The following DAPK2 variants were observed in gnomAD, a reference collection of about 807,000 sequenced individuals.
The protein encoded by DAPK2 is death associated protein kinase 2.
In DAPK2, 35 loss-of-function variants were observed where a neutral mutation model predicts 44.1. The observed-to-expected ratio is 0.79, with a 90% CI of 0.61 to 1.05. The LOEUF (loss-of-function observed/expected upper bound fraction) is 1.05. Among genes scored for constraint, DAPK2 ranks in the 50% least tolerant of loss-of-function variants. DAPK2 has a pLI of 0.00. For synonymous variants in DAPK2, 174 were observed against 182.6 expected, an observed-to-expected ratio of 0.95 and a Z score of 0.38; for missense variants, 453 against 483.2, an observed-to-expected ratio of 0.94 and a Z score of 0.59.
chr15:64,006,422 C>T (rs536207401), intron 1 of DAPK2, among the ~76,000 whole-genome samples: 42 of 152,228 alleles, frequency 2.8e-4, no homozygotes, highest in African/African-American at 1.0e-3. Context: ...CTGGTCTATA[C>T]AGTATATGTC....
At chr15:63,942,327 G>T (rs955198359) in intron 3 of DAPK2, 9 of 836,964 alleles carry the variant, frequency 1.1e-5, no homozygotes, top group Non-Finnish European at 1.2e-5. Context: ...AAGGCAGGGG[G>T]TATCACCTGA....
intron 3 of DAPK2, among the ~76,000 whole-genome samples, chr15:63,954,065 C>A (rs1456937490): frequency 1.1e-4 from 17 of 152,132 alleles, no homozygotes; most frequent in Non-Finnish European, 2.9e-5. Context: ...AATCCCTTGT[C>A]AAATGGGTTG....
intron 1 of DAPK2, among the ~76,000 whole-genome samples, chr15:64,008,074 T>C (rs1163274206): frequency 6.6e-6 from 1 of 151,844 alleles, no homozygotes; most frequent in Non-Finnish European, 1.5e-5. Flanking sequence ...GGTAATGAAA[T>C]GTTCTAAAAT....
At chr15:63,934,249 GT>G (rs772176640) in intron 4 of DAPK2, among the ~76,000 whole-genome samples, 2,114 of 63,170 alleles carry the variant, frequency 0.033, 7 homozygotes, top group African/African-American at 0.088. Context: ...TTTTATCCTA[GT>G]TTTTTTTTTT....
chr15:63,925,693 C>T (rs1279609996), intron 7 of DAPK2, among the ~76,000 whole-genome samples: 1 of 151,260 alleles, frequency 6.6e-6, no homozygotes. Context: ...CACACACACA[C>T]ACACACACAC....
rs768013379 is a variant in DAPK2, at chr15:63,912,033, C to T, written c.949-42G>A. 2.4e-5 allele frequency: 38 copies of T among 1,604,434 alleles called. No individual in the cohort carries two copies. Among genetic ancestry groups the T allele is most frequent in the Non-Finnish European group, 1.0e-5 (12 of 1,175,364 alleles). ...AAAGGAATCCCCAGGTGAGAATGTG[C>T]ATGGAGACCCTGGAGAGCCAGAAAC... On this transcript the variant is annotated intron_variant, in intron 9 of 10. Coordinates refer to ENST00000261891, the Ensembl canonical transcript of DAPK2. This position sits in a 1 kb window ranked among gnomAD's most constrained non-coding sequence, Gnocchi z 4.4.
chr15:63,998,932 G>A (rs930791883), intron 1 of DAPK2, among the ~76,000 whole-genome samples: 1 of 152,222 alleles, frequency 6.6e-6, no homozygotes, highest in African/African-American at 2.4e-5. Flanking sequence ...AATATTGGAA[G>A]AAGGCAGCTT....
chr15:64,003,022 AC>A (rs1567266736), intron 1 of DAPK2, among the ~76,000 whole-genome samples: 1 of 78,270 alleles, frequency 1.3e-5, no homozygotes, highest in Non-Finnish European at 2.6e-5. Flanking sequence ...GTGTCGTGGG[AC>A]CAGAGGTGGT....
At chr15:63,992,990 A>T (rs11633956) in intron 1 of DAPK2, among the ~76,000 whole-genome samples, 31,168 of 152,204 alleles carry the variant, frequency 0.2, 3,286 homozygotes, top group South Asian at 0.25. Flanking sequence ...GGGAAAATCC[A>T]GGATGGTTTG....
intron 4 of DAPK2, among the ~76,000 whole-genome samples, chr15:63,931,681 C>G (rs564532057): frequency 6.6e-6 from 1 of 152,102 alleles, no homozygotes; most frequent in Non-Finnish European, 1.5e-5. Flanking sequence ...AGAGCCATCA[C>G]GTTTGGAGCC....
chr15:63,965,161 G>T (rs996652087), intron 3 of DAPK2, among the ~76,000 whole-genome samples: 2 of 152,220 alleles, frequency 1.3e-5, no homozygotes, highest in South Asian at 4.1e-4. Flanking sequence ...AGCCAAATCT[G>T]TATTAGAGGA....
At chr15:63,958,358 T>A (rs1213685198) in intron 3 of DAPK2, among the ~76,000 whole-genome samples, 3 of 152,250 alleles carry the variant, frequency 2.0e-5, no homozygotes, top group Admixed American at 2.0e-4. Context: ...TTTAATTTAA[T>A]TAGCTCCCAT....
At chr15:64,004,093 T>TCTCTCTCTCG (rs150850728) in intron 1 of DAPK2, among the ~76,000 whole-genome samples, 3 of 152,048 alleles carry the variant, frequency 2.0e-5, no homozygotes, top group African/African-American at 7.3e-5. Flanking sequence ...TCTCTCTCTC[T>TCTCTCTCTCG]CTCTCTCCCT....
At chr15:63,929,198 CAAAA>C (rs10568768) in intron 6 of DAPK2, among the ~76,000 whole-genome samples, 4 of 130,894 alleles carry the variant, frequency 3.1e-5, no homozygotes, top group African/African-American at 2.8e-5. Context: ...GACTCTGTCT[CAAAA>C]AAAAAAAAAA....
intron 5 of DAPK2, 46 bp from the exon 7 acceptor site, chr15:63,929,623 C>T: frequency 6.2e-7 from 1 of 1,612,960 alleles, no homozygotes; most frequent in South Asian, 1.1e-5. Context: ...GGGTCCCATC[C>T]CCGACCAGCA....
In DAPK2 at chr15:63,950,096, C is replaced by T. The variant is rs138026856; in HGVS notation, c.454-10735G>A. 5.6e-3 allele frequency among the ~76,000 whole-genome samples: 848 copies of T among 152,324 alleles called. 7 individuals carry two copies. Among genetic ancestry groups the T allele is most frequent in the African/African-American group, 0.019 (799 of 41,574 alleles). ...AAGTCTTACCTCCACTTCATGCCTT[C>T]AGGTTTTAGTATGGAAATAGCTCCA... On this transcript the variant is annotated intron_variant, in intron 3 of 10. Transcript: ENST00000261891.
chr15:63,930,770 GC>G (rs1490689500), intron 4 of DAPK2, among the ~76,000 whole-genome samples: 4 of 152,136 alleles, frequency 2.6e-5, no homozygotes, highest in African/African-American at 9.7e-5. Context: ...TTATAAAGAG[GC>G]CCGAGGGCTG....
At chr15:63,961,663 A>G (rs1034377859) in intron 3 of DAPK2, among the ~76,000 whole-genome samples, 6 of 152,206 alleles carry the variant, frequency 3.9e-5, no homozygotes, top group African/African-American at 1.4e-4. Context: ...AATGTTGAAT[A>G]TTGGCCCCCA....
rs765741864 is a variant in DAPK2 at position 63,908,536 on chromosome 15, C to T, written c.1097G>A (p.Arg366Lys). The change falls in exon 11 of 11, where the codon AGG becomes AAG. Residue 366 changes from arginine (R) to lysine (K), a missense_variant. Coordinates refer to ENST00000261891, the Ensembl canonical transcript of DAPK2. This position sits in a 1 kb window ranked among gnomAD's most constrained non-coding sequence, Gnocchi z 5.7. Reference sequence around the variant, plus strand: ...TCAGGCCAGTTAGGAGGTGCTGCTCCTCCTCCGTGGGTGGAGGGCTTTCCT... The same window carrying T: ...TCAGGCCAGTTAGGAGGTGCTGCTCTTCCTCCGTGGGTGGAGGGCTTTCCT... 4.4e-6 allele frequency: 7 copies of T among 1,598,226 alleles called. No individual in the cohort carries two copies. In the African/African-American group the frequency reaches 9.4e-5, roughly 21 times the overall value.
Sources: allele counts gnomAD v4.1 joint callset (sites outside exome capture counted in the v4.1 genomes callset), GRCh38; gene constraint gnomAD v4.1.1; non-coding constraint Gnocchi (gnomAD v3.1); transcripts MANE v1.5; gene names NCBI Gene and HGNC (gene_info 2026-07-23, HGNC 2026-07-21).